Variants in HRH1 observed in about 807,000 individuals in gnomAD.
HRH1 encodes the protein histamine receptor H1, also known as histamine H1 receptor.
In HRH1, 6 loss-of-function variants were observed where a neutral mutation model predicts 10.3. The observed-to-expected ratio is 0.58, with a 90% CI of 0.32 to 1.15. The LOEUF (loss-of-function observed/expected upper bound fraction) is 1.15. Among genes scored for constraint, HRH1 ranks in the 50% most tolerant of loss-of-function variants. The pLI is 0.05. For synonymous variants in HRH1, 242 were observed against 236.7 expected (o/e 1.02, Z -0.21); for missense variants, 514 against 615.3 (o/e 0.84, Z 1.74).
chr3:11,241,624 G>A (rs547577248), intron 1 of HRH1, among the ~76,000 whole-genome samples: 3 of 152,190 alleles, frequency 2.0e-5, no homozygotes, highest in South Asian at 2.1e-4. Context: ...ACGAGGTCAG[G>A]AGATCGAAAC....
chr3:11,154,345 G>T (rs1936725830), upstream of HRH1, among the ~76,000 whole-genome samples: 1 of 151,744 alleles, frequency 6.6e-6, no homozygotes, highest in South Asian at 2.1e-4. This position sits in a 1 kb window ranked among gnomAD's most constrained non-coding sequence, Gnocchi z 4.4. Context: ...GGCCCTGGGC[G>T]CGTGGAACCG....
intron 1 of HRH1, among the ~76,000 whole-genome samples, chr3:11,169,255 G>C (rs74959095): frequency 6.6e-6 from 1 of 152,096 alleles, no homozygotes; most frequent in African/African-American, 2.4e-5. Context: ...CGGATGTAGC[G>C]TCAGACAGAA....
At chr3:11,254,308 T>C (rs959409214) in intron 1 of HRH1, among the ~76,000 whole-genome samples, 1 of 152,096 alleles carries the variant, frequency 6.6e-6, no homozygotes, top group African/African-American at 2.4e-5. Context: ...TGCGGAAATT[T>C]TCAAGTCCCT....
intron 1 of HRH1, among the ~76,000 whole-genome samples, chr3:11,245,921 ACACT>A (rs1559284236): frequency 6.6e-6 from 1 of 151,980 alleles, no homozygotes; most frequent in African/African-American, 2.4e-5. Context: ...ACACTCTTAG[ACACT>A]CACACATACA....
chr3:11,197,321 C>T (rs1407546644), intron 1 of HRH1, among the ~76,000 whole-genome samples: 2 of 152,140 alleles, frequency 1.3e-5, no homozygotes, highest in African/African-American at 4.8e-5. Context: ...TGACTTCTCT[C>T]CTGGGCTGTG....
intron 1 of HRH1, among the ~76,000 whole-genome samples, chr3:11,181,701 A>G (rs1937357559): frequency 7.9e-6 from 1 of 126,442 alleles, no homozygotes; most frequent in Non-Finnish European, 1.5e-5. Context: ...GCGCGATCTT[A>G]GCTCACTGCA....
chr3:11,146,727 G>A (rs746093623), intron 1 of HRH1, among the ~76,000 whole-genome samples: 20 of 152,286 alleles, frequency 1.3e-4, no homozygotes, highest in South Asian at 4.1e-4. Flanking sequence ...CTTCCTAGGC[G>A]GACACTCTAG....
chr3:11,157,282 T>G (rs1936828617), intron 1 of HRH1, among the ~76,000 whole-genome samples: 1 of 152,142 alleles, frequency 6.6e-6, no homozygotes, highest in Admixed American at 6.5e-5. Context: ...GATGGAAATG[T>G]GGAGAAAAGA....
chr3:11,161,200 C>T (rs1420669971), intron 1 of HRH1, among the ~76,000 whole-genome samples: 6 of 152,286 alleles, frequency 3.9e-5, no homozygotes, highest in South Asian at 2.1e-4. Context: ...GGAGGAGGAC[C>T]GGAGATCTGT....
intron 1 of HRH1, among the ~76,000 whole-genome samples, chr3:11,257,088 A>C (rs1327403660): frequency 2.0e-5 from 3 of 150,870 alleles, no homozygotes; most frequent in Admixed American, 2.0e-4. Context: ...CCCCTTCTCT[A>C]CTAAAAATAC....
rs993663280 is a variant in HRH1, at chr3:11,165,723, A to G, written c.-36+11169A>G. On this transcript the variant is annotated intron_variant, in intron 1 of 1. Coordinates refer to ENST00000431010, the MANE Select transcript of HRH1 (RefSeq NM_001098212.2). Reference sequence around the variant, plus strand: ...CTAGGAGAAACGTCTCTCCGGAATCAAGCATTTTTCTGATGAATGCATTTT... The same window carrying G: ...CTAGGAGAAACGTCTCTCCGGAATCGAGCATTTTTCTGATGAATGCATTTT... 3.3e-5 allele frequency among the ~76,000 whole-genome samples: 5 copies of G among 152,326 alleles called. 1 individual carries two copies. The East Asian group carries it at 9.6e-4, about 29-fold the overall frequency.
intron 1 of HRH1, among the ~76,000 whole-genome samples, chr3:11,169,903 G>C (rs1157702709): frequency 2.0e-5 from 3 of 152,080 alleles, no homozygotes; most frequent in Non-Finnish European, 4.4e-5. Context: ...CCTTAGAAAA[G>C]GGTCCCATGC....
At chr3:11,181,856 C>T (rs954241200) in intron 1 of HRH1, among the ~76,000 whole-genome samples, 4 of 152,146 alleles carry the variant, frequency 2.6e-5, no homozygotes, top group Non-Finnish European at 5.9e-5. Context: ...TGGTCTCGAT[C>T]TCCTGACCTC....
chr3:11,169,494 G>A (rs1937112618), intron 1 of HRH1, among the ~76,000 whole-genome samples: 1 of 152,100 alleles, frequency 6.6e-6, no homozygotes, highest in African/African-American at 2.4e-5. Flanking sequence ...ACTATAACAG[G>A]GAGGGCTCAG....
intron 1 of HRH1, among the ~76,000 whole-genome samples, chr3:11,198,185 T>C (rs1937746365): frequency 6.6e-6 from 1 of 152,174 alleles, no homozygotes. Context: ...TGCATCCTCA[T>C]GTGTCCTGTC....
chr3:11,246,870 AC>A (rs1455888225), intron 1 of HRH1, among the ~76,000 whole-genome samples: 1 of 151,928 alleles, frequency 6.6e-6, no homozygotes, highest in Admixed American at 6.6e-5. Context: ...ATACAGTGAG[AC>A]CCTCTCTCTA....
intron 1 of HRH1, among the ~76,000 whole-genome samples, chr3:11,144,369 G>GTA (rs200972291): frequency 3.7e-4 from 4 of 10,674 alleles, no homozygotes; most frequent in Admixed American, 1.3e-3. Flanking sequence ...GTGTGTGTGT[G>GTA]TATATATATG....
chr3:11,232,963 CTA>C (rs531224254), intron 1 of HRH1, among the ~76,000 whole-genome samples: 81 of 152,212 alleles, frequency 5.3e-4, no homozygotes, highest in African/African-American at 1.8e-3. Context: ...CTTCTTGTCT[CTA>C]TGTTTTCTGT....
At chr3:11,158,566 C>A (rs1936863412) in intron 1 of HRH1, among the ~76,000 whole-genome samples, 1 of 152,158 alleles carries the variant, frequency 6.6e-6, no homozygotes, top group African/African-American at 2.4e-5. Context: ...AACATGGTAT[C>A]TCTCTACTTA....
Sources: gnomAD v4.1 joint callset for allele counts (sites outside exome capture counted in the v4.1 genomes callset) on GRCh38, gnomAD v4.1.1 for gene constraint, Gnocchi (gnomAD v3.1) non-coding constraint, MANE v1.5 for transcripts, NCBI Gene and HGNC (gene_info 2026-07-23, HGNC 2026-07-21) for gene names.